SLC9B1: variants seen among roughly 807,000 people sequenced by gnomAD.
SLC9B1 encodes solute carrier family 9 member B1.
A neutral mutation model predicts 51.7 loss-of-function variants in SLC9B1; 32 were observed. The ratio of observed to expected loss-of-function variants is 0.62; its 90% CI spans 0.47 to 0.83. SLC9B1 has a LOEUF of 0.83. Ranked by LOEUF, SLC9B1 falls within the 40% of genes least tolerant of loss-of-function variation. SLC9B1 has a pLI of 0.00. For missense variants in SLC9B1, 406 were observed against 613.2 expected (o/e 0.66, Z 3.57); for synonymous variants, 145 against 212.7 (o/e 0.68, Z 2.77).
At chr4:102,979,780 G>A (rs1000567908) in intron 3 of SLC9B1, among the ~76,000 whole-genome samples, 5 of 152,004 alleles carry the variant, frequency 3.3e-5, no homozygotes, top group Non-Finnish European at 5.9e-5. Context: ...AGATTACAGA[G>A]AGATCTCAAA....
intron 3 of SLC9B1, among the ~76,000 whole-genome samples, chr4:102,978,864 C>T (rs377208455): frequency 2.6e-5 from 4 of 152,134 alleles, no homozygotes; most frequent in South Asian, 2.1e-4. Flanking sequence ...GATAATACTA[C>T]AAAACTTTTC....
chr4:102,925,565 A>G (rs527395554), intron 7 of SLC9B1, among the ~76,000 whole-genome samples: 82 of 152,206 alleles, frequency 5.4e-4, no homozygotes, highest in Middle Eastern at 3.4e-3. Flanking sequence ...AAAAAAAACT[A>G]TGACACTGTC....
At chr4:102,956,590 G>C (rs1737826773) in intron 3 of SLC9B1, among the ~76,000 whole-genome samples, 1 of 152,040 alleles carries the variant, frequency 6.6e-6, no homozygotes, top group African/African-American at 2.4e-5. Flanking sequence ...AGACACAAAG[G>C]AAATCCCTAG....
At chr4:102,898,148 G>A (rs745478513), downstream of SLC9B1, 53 of 512,026 alleles carry the variant, frequency 1.0e-4, no homozygotes, top group Non-Finnish European at 1.9e-4. Context: ...GCTGTACTAA[G>A]GTTGACAAAG....
At chr4:102,891,266 CAAG>C (rs1011409466) in intron 11 of SLC9B1, 2 of 152,126 alleles carry the variant, frequency 1.3e-5, no homozygotes, top group African/African-American at 4.8e-5. Context: ...TGAATTCTAA[CAAG>C]TTTGGTTATC....
intron 1 of SLC9B1, among the ~76,000 whole-genome samples, chr4:103,009,049 T>C (rs958417010): frequency 8.6e-5 from 13 of 152,022 alleles, no homozygotes; most frequent in Non-Finnish European, 1.6e-4. Context: ...CCGCCCACCT[T>C]GGCCTCCCAA....
chr4:102,945,336 G>T lies in SLC9B1; in HGVS notation c.526-16C>A. On this transcript the variant is annotated splice_polypyrimidine_tract_variant and intron_variant, in intron 5 of 11. Coordinates refer to ENST00000296422, the MANE Select transcript of SLC9B1 (RefSeq NM_139173.4). ...GCCTCAAAGCCTGAAACACAAAACA[G>T]TCACACTTAGATACATTTACAATGG... 1 of 1,584,900 alleles carries T rather than the reference G, an allele frequency of 6.3e-7. No homozygotes were observed. Among genetic ancestry groups the T allele is most frequent in the East Asian group, 2.2e-5 (1 of 44,582 alleles).
intron 3 of SLC9B1, among the ~76,000 whole-genome samples, chr4:102,978,100 T>C (rs1739168662): frequency 6.6e-6 from 1 of 152,146 alleles, no homozygotes; most frequent in South Asian, 2.1e-4. Flanking sequence ...AGAATGATGG[T>C]TTCCAGCTTC....
At chr4:102,910,404 T>C in intron 9 of SLC9B1, 35 bp downstream of exon 9, 5 of 1,513,904 alleles carry the variant, frequency 3.3e-6, no homozygotes, top group Non-Finnish European at 4.4e-6. Context: ...TCAGTTGTTT[T>C]AGCTTTTAAA....
intron 2 of SLC9B1, among the ~76,000 whole-genome samples, chr4:102,990,920 A>G (rs1739909960): frequency 6.6e-6 from 1 of 152,128 alleles, no homozygotes; most frequent in South Asian, 2.1e-4. Context: ...GAGTTCTGGT[A>G]TAGAGGCAGG....
chr4:102,933,229 C>G (rs1344137821), intron 6 of SLC9B1, among the ~76,000 whole-genome samples: 4 of 152,152 alleles, frequency 2.6e-5, no homozygotes, highest in Non-Finnish European at 4.4e-5. Context: ...CCTGGGAATA[C>G]TAGGGAGGTT....
At chr4:102,918,096 G>A (rs377452401) in intron 7 of SLC9B1, among the ~76,000 whole-genome samples, 137 of 120,488 alleles carry the variant, frequency 1.1e-3, no homozygotes, top group Middle Eastern at 0.011. Context: ...AAAGGCTAGA[G>A]AAAAAAAAAA....
intron 1 of SLC9B1, among the ~76,000 whole-genome samples, chr4:103,004,064 T>C (rs2110532876): frequency 6.6e-6 from 1 of 152,302 alleles, no homozygotes; most frequent in East Asian, 1.9e-4. Flanking sequence ...CATATGAATG[T>C]AGTTGTTCCT....
intron 6 of SLC9B1, among the ~76,000 whole-genome samples, chr4:102,934,763 C>CA (rs772664880): frequency 0.59 from 67,613 of 115,506 alleles, 16,689 homozygotes; most frequent in African/African-American, 0.68. Context: ...GACTCTGTCA[C>CA]AAAAAAAAAA....
At position 102,906,583 on chromosome 4, in the gene SLC9B1, A is replaced by G. The variant is rs1259140928; in HGVS notation, c.1148T>C (p.Leu383Ser). The change falls in exon 10 of 12, where the codon TTA (leucine) becomes TCA (serine). Residue 383 changes from leucine (L) to serine (S), a missense_variant. Physicochemically the swap from Leu to Ser is moderately radical, Grantham distance 145 (BLOSUM62 -2). Coordinates refer to ENST00000296422, the MANE Select transcript of SLC9B1 (RefSeq NM_139173.4). ...WDIFQPLLFG[L>S]VGAEVSVSSL... is the part of the protein sequence containing the mutation. ...TGAAACAGATACTTCTGCTCCAACT[A>G]AACCAAAAAGAAGTGGTTGAAAAAT... is the stretch of plus-strand genomic sequence containing the variant. The G allele has an allele frequency of 3.1e-6, 5 of 1,591,480 alleles. No individual in the cohort carries two copies. In the African/African-American group the frequency reaches 6.7e-5, roughly 21 times the overall value.
At position 102,901,897 on chromosome 4, in the gene SLC9B1, C is replaced by A. The variant is rs537839471; in HGVS notation, c.1333-565G>T. 2.8e-4 allele frequency among the ~76,000 whole-genome samples: 42 copies of A among 152,258 alleles called. No individual in the cohort carries two copies. The South Asian group carries it at 3.7e-3, about 14-fold the overall frequency. On this transcript the variant is annotated intron_variant, in intron 11 of 11. Transcript: ENST00000296422. ...TGTACAAATGACTCACACTCTCTAA[C>A]CTTCTACTTACTTATGTGTAAAATG... is the stretch of plus-strand genomic sequence containing the variant.
chr4:102,974,275 A>G (rs1738940448), intron 3 of SLC9B1, among the ~76,000 whole-genome samples: 1 of 144,442 alleles, frequency 6.9e-6, no homozygotes, highest in African/African-American at 2.6e-5. Context: ...AATCGGAGTA[A>G]ACCTAAATAA....
chr4:102,931,994 T>A, intron 7 of SLC9B1, 130 bp downstream of exon 7: 1 of 815,950 alleles, frequency 1.2e-6, no homozygotes, highest in Non-Finnish European at 2.0e-6. Flanking sequence ...GAGCTTTCTA[T>A]GGAGATTAAA....
At chr4:103,012,313 C>T (rs1026303281) in intron 1 of SLC9B1, among the ~76,000 whole-genome samples, 1 of 152,190 alleles carries the variant, frequency 6.6e-6, no homozygotes, top group Non-Finnish European at 1.5e-5. Context: ...GACCTTTCCT[C>T]CAGTTTCTAG....
Sources: allele counts gnomAD v4.1 joint callset (sites outside exome capture counted in the v4.1 genomes callset), GRCh38; gene constraint gnomAD v4.1.1; transcripts MANE v1.5; gene names NCBI Gene and HGNC (gene_info 2026-07-23, HGNC 2026-07-21).